EYS: variants seen among roughly 807,000 people sequenced by gnomAD.
EYS encodes the protein EGF-like photoreceptor maintenance factor.
In EYS, 250 loss-of-function variants were observed where a neutral mutation model predicts 282.1. That is an observed-to-expected ratio of 0.89 (90% CI 0.80 to 0.98). The LOEUF (loss-of-function observed/expected upper bound fraction) is 0.98, where lower values mean the gene tolerates loss of function less well. Among genes scored for constraint, EYS ranks in the 50% least tolerant of loss-of-function variants. The pLI, the probability that EYS is intolerant of heterozygous loss-of-function variation, is 0.00. For missense variants in EYS, 4,016 were observed against 3,709.0 expected (o/e 1.08, Z -2.15); for synonymous variants, 1,355 against 1,282.9 (o/e 1.06, Z -1.20).
intron 22 of EYS, among the ~76,000 whole-genome samples, chr6:64,633,564 A>G (rs1015727908): frequency 6.6e-6 from 1 of 151,134 alleles, no homozygotes; most frequent in Non-Finnish European, 1.5e-5. Context: ...AGTTTGTCAC[A>G]TTGAGCAACT....
At chr6:64,757,422 G>A (rs1179017573) in intron 22 of EYS, among the ~76,000 whole-genome samples, 2 of 151,140 alleles carry the variant, frequency 1.3e-5, no homozygotes, top group Non-Finnish European at 2.9e-5. Context: ...TGTGGCAAAA[G>A]ACATGCATTT....
chr6:64,537,054 T>C (rs1423008456), intron 26 of EYS, among the ~76,000 whole-genome samples: 29 of 151,758 alleles, frequency 1.9e-4, no homozygotes, highest in Non-Finnish European at 3.7e-4. Flanking sequence ...ATGTGCACAA[T>C]GTGCAGGTTA....
At chr6:65,241,599 A>G (rs1767059713) in intron 12 of EYS, among the ~76,000 whole-genome samples, 1 of 152,136 alleles carries the variant, frequency 6.6e-6, no homozygotes, top group South Asian at 2.1e-4. Flanking sequence ...CTGCTTTGAT[A>G]AAACTGGTAT....
chr6:64,859,697 T>C (rs564918627), intron 19 of EYS, among the ~76,000 whole-genome samples: 2 of 152,336 alleles, frequency 1.3e-5, no homozygotes, highest in Non-Finnish European at 1.5e-5. Context: ...TCCCCTGTGA[T>C]TGTGAGGCCT....
intron 21 of EYS, among the ~76,000 whole-genome samples, chr6:64,819,315 A>T (rs1286102302): frequency 1.3e-5 from 2 of 152,182 alleles, no homozygotes; most frequent in Non-Finnish European, 2.9e-5. Flanking sequence ...AAAATTACAT[A>T]TAGAGTACAC....
At chr6:64,831,436 G>T (rs1210250757) in intron 19 of EYS, among the ~76,000 whole-genome samples, 1 of 151,874 alleles carries the variant, frequency 6.6e-6, no homozygotes, top group Non-Finnish European at 1.5e-5. Flanking sequence ...GTTTTCAGAA[G>T]CTCTCCAAGG....
At chr6:64,032,869 T>G (rs1349179947) in intron 33 of EYS, among the ~76,000 whole-genome samples, 1 of 152,220 alleles carries the variant, frequency 6.6e-6, no homozygotes, top group African/African-American at 2.4e-5. Context: ...AATCCAGACA[T>G]TCTCTGAACT....
intron 12 of EYS, among the ~76,000 whole-genome samples, chr6:65,269,468 G>A (rs79544727): frequency 0.011 from 1,642 of 152,250 alleles, 32 homozygotes; most frequent in African/African-American, 0.038. Flanking sequence ...CCAGCCCTGA[G>A]TCTTATAAGA....
chr6:65,260,429 C>CT (rs538438652), intron 12 of EYS, among the ~76,000 whole-genome samples: 1 of 152,006 alleles, frequency 6.6e-6, no homozygotes, highest in Non-Finnish European at 1.5e-5. Context: ...TCTGACCTAT[C>CT]TTTTTCTTAT....
chr6:64,657,252 GCA>G (rs1768784389), intron 22 of EYS, among the ~76,000 whole-genome samples: 1 of 152,040 alleles, frequency 6.6e-6, no homozygotes, highest in African/African-American at 2.4e-5. Context: ...GTGTGTCTCT[GCA>G]CATGAGATGG....
chr6:64,262,920 T>G (rs1156354302), intron 30 of EYS, among the ~76,000 whole-genome samples: 1 of 151,990 alleles, frequency 6.6e-6, no homozygotes, highest in Non-Finnish European at 1.5e-5. Context: ...TCTTTATTCT[T>G]CAGGAAAAAG....
intron 13 of EYS, among the ~76,000 whole-genome samples, chr6:65,049,923 T>TTA (rs1773217242): frequency 6.6e-6 from 1 of 151,678 alleles, no homozygotes; most frequent in African/African-American, 2.4e-5. Flanking sequence ...ATGTTTATAC[T>TTA]TATGGTCAAT....
chr6:64,091,038 C>T (rs1217975519), intron 31 of EYS, among the ~76,000 whole-genome samples: 1 of 152,158 alleles, frequency 6.6e-6, no homozygotes, highest in Non-Finnish European at 1.5e-5. Flanking sequence ...CTTAACTCAC[C>T]TTCCAAGACT....
At chr6:65,412,116 A>T (rs1334332329) in intron 5 of EYS, among the ~76,000 whole-genome samples, 1 of 152,100 alleles carries the variant, frequency 6.6e-6, no homozygotes, top group African/African-American at 2.4e-5. Flanking sequence ...GCTCTTTACC[A>T]TGTGAGGATA....
At chr6:65,498,699 G>A (rs1766340594) in intron 2 of EYS, among the ~76,000 whole-genome samples, 1 of 151,926 alleles carries the variant, frequency 6.6e-6, no homozygotes, top group Admixed American at 6.6e-5. Flanking sequence ...TTAAGTCAAT[G>A]TATATCTATA....
chr6:65,676,609 C>CT (rs762416833), intron 1 of EYS, among the ~76,000 whole-genome samples: 10 of 151,864 alleles, frequency 6.6e-5, no homozygotes, highest in Non-Finnish European at 1.5e-4. Flanking sequence ...GATGGCTTAA[C>CT]TGGTGAATTC....
chr6:65,238,421 G>T (rs2150273846), intron 12 of EYS, among the ~76,000 whole-genome samples: 2 of 151,700 alleles, frequency 1.3e-5, no homozygotes, highest in South Asian at 2.1e-4. Context: ...ATCTCATTTT[G>T]ATCTCTGAAG....
intron 1 of EYS, among the ~76,000 whole-genome samples, chr6:65,654,864 C>G (rs1295250551): frequency 6.7e-6 from 1 of 149,982 alleles, no homozygotes; most frequent in African/African-American, 2.5e-5. Flanking sequence ...CCATATACAA[C>G]TATGGTAATT....
chr6:63,906,325 C>T (rs542612949), intron 35 of EYS, among the ~76,000 whole-genome samples: 28 of 152,322 alleles, frequency 1.8e-4, no homozygotes, highest in African/African-American at 6.5e-4. Flanking sequence ...GTGCCATCCA[C>T]AAATTACGGC....
Sources: gnomAD v4.1 joint callset for allele counts (sites outside exome capture counted in the v4.1 genomes callset) on GRCh38, gnomAD v4.1.1 for gene constraint, MANE v1.5 for transcripts, NCBI Gene and HGNC (gene_info 2026-07-23, HGNC 2026-07-21) for gene names.